Variants in EIF2S1 observed in about 807,000 individuals in gnomAD.
EIF2S1 encodes eukaryotic translation initiation factor 2 subunit 1.
EIF2S1 carries 5 observed loss-of-function variants against 33.5 expected under a neutral mutation model. The observed-to-expected ratio is 0.15, with a 90% CI of 0.08 to 0.31. The LOEUF (loss-of-function observed/expected upper bound fraction) is 0.31. Among genes scored for constraint, EIF2S1 ranks in the 10% least tolerant of loss-of-function variants. EIF2S1 has a pLI of 1.00. For missense variants in EIF2S1, 191 were observed against 384.6 expected, an observed-to-expected ratio of 0.50 and a Z score of 4.21; for synonymous variants, 99 against 127.5, an observed-to-expected ratio of 0.78 and a Z score of 1.51.
intron 3 of EIF2S1, 102 bp from the exon 4 acceptor site, chr14:67,376,337 T>G (rs1261883308): frequency 2.6e-6 from 3 of 1,156,980 alleles, no homozygotes; most frequent in Admixed American, 2.8e-5. Flanking sequence ...CTTTTATTGT[T>G]AAGGAATTAT....
intron 2 of EIF2S1, among the ~76,000 whole-genome samples, chr14:67,366,888 G>T (rs752740813): frequency 4.3e-5 from 6 of 140,484 alleles, no homozygotes; most frequent in Non-Finnish European, 9.0e-5. Flanking sequence ...AGTACATGCT[G>T]AAGACAGCTT....
At chr14:67,367,393 G>A (rs566946996) in intron 2 of EIF2S1, among the ~76,000 whole-genome samples, 4 of 152,074 alleles carry the variant, frequency 2.6e-5, no homozygotes, top group Non-Finnish European at 5.9e-5. Flanking sequence ...ACCATGCCCA[G>A]CTAATTTTTG....
chr14:67,366,081 C>CT (rs552951257), intron 2 of EIF2S1, among the ~76,000 whole-genome samples: 546 of 141,006 alleles, frequency 3.9e-3, no homozygotes, highest in Middle Eastern at 0.011. Flanking sequence ...TAATCTTGTA[C>CT]TTTTTTTTTT....
At chr14:67,362,519 A>C (rs1016638063) in intron 1 of EIF2S1, among the ~76,000 whole-genome samples, 1 of 152,198 alleles carries the variant, frequency 6.6e-6, no homozygotes, top group Non-Finnish European at 1.5e-5. Context: ...TGTACATGGC[A>C]CAGATGAGAA....
intron 1 of EIF2S1, among the ~76,000 whole-genome samples, chr14:67,360,965 G>C (rs1486756012): frequency 6.6e-6 from 1 of 152,120 alleles, no homozygotes; most frequent in Admixed American, 6.5e-5. Context: ...AGCGGGGTCC[G>C]AGTAGTTTTT....
chr14:67,377,145 C>T (rs1175020708), intron 4 of EIF2S1, among the ~76,000 whole-genome samples: 3 of 152,168 alleles, frequency 2.0e-5, no homozygotes, highest in Non-Finnish European at 4.4e-5. Flanking sequence ...TGCCTTTTCT[C>T]TCTTATCCAA....
rs1452482004 is a variant in EIF2S1 at position 67,382,484 on chromosome 14, C to T, written c.716C>T (p.Thr239Met). The T allele has an allele frequency of 9.9e-6, 16 of 1,613,590 alleles. No individual in the cohort carries two copies. The highest frequency in any genetic ancestry group is 5.0e-5 in the Admixed American group (3 of 59,998). ...GCTCCTCCTCGGTATGTAATGACTA[C>T]GACAACCCTGGAGAGAACAGAAGGC... Reference protein sequence around the residue: ...LIAPPRYVMTTTTLERTEGLS... With the variant: ...LIAPPRYVMTMTTLERTEGLS... Residue 239 changes from threonine (T) to methionine (M), a missense_variant, in exon 7 of 8, where the codon ACG becomes ATG. By Grantham distance (81) the Thr-to-Met change is moderately conservative. Coordinates refer to ENST00000256383, the MANE Select transcript of EIF2S1 (RefSeq NM_004094.5).
At chr14:67,381,538 A>G in intron 5 of EIF2S1, 55 bp from the exon 6 acceptor site, 2 of 1,410,040 alleles carry the variant, frequency 1.4e-6, no homozygotes, top group Non-Finnish European at 2.0e-6. Context: ...ATTTCCTTTA[A>G]ACTTTTAAAT....
intron 7 of EIF2S1, 31 bp from the exon 8 acceptor site, chr14:67,383,284 T>A: frequency 6.2e-7 from 1 of 1,608,612 alleles, no homozygotes; most frequent in Non-Finnish European, 8.5e-7. Flanking sequence ...ATTTACTACT[T>A]CAGTTTGAAA....
chr14:67,382,911 G>GCA (rs1307969417), intron 7 of EIF2S1, among the ~76,000 whole-genome samples: 4 of 140,506 alleles, frequency 2.8e-5, no homozygotes, highest in Non-Finnish European at 4.9e-5. Context: ...GTGCGTGCGT[G>GCA]TGTGTGTGTG....
intron 2 of EIF2S1, among the ~76,000 whole-genome samples, chr14:67,370,253 C>T (rs1014453151): frequency 1.3e-5 from 2 of 152,144 alleles, no homozygotes; most frequent in African/African-American, 4.8e-5. Flanking sequence ...ATGGACATGT[C>T]GCAGTGCTGC....
intron 2 of EIF2S1, 55 bp downstream of exon 2, chr14:67,365,063 A>G (rs764643381): frequency 2.1e-4 from 317 of 1,503,050 alleles, no homozygotes; most frequent in Non-Finnish European, 2.6e-4. Context: ...GGTTTATTTA[A>G]AAATACATTT....
intron 2 of EIF2S1, among the ~76,000 whole-genome samples, chr14:67,374,076 A>G: frequency 6.6e-6 from 1 of 152,168 alleles, no homozygotes; most frequent in Non-Finnish European, 1.5e-5. Flanking sequence ...TTCTGAAAAC[A>G]ATTCAGAATC....
Position 67,376,433 on chromosome 14 carries a change from T to A in EIF2S1, c.322-6T>A, listed in dbSNP as rs746031002. The A allele has an allele frequency of 4.4e-6, 7 of 1,581,236 alleles. No individual in the cohort carries two copies. The Admixed American group carries it at 1.1e-4, about 25-fold the overall frequency. The stretch of plus-strand genomic sequence containing the variant: ...TGAATTGTTGAGCTTTTCATTTTAT[T>A]TCTAGGTTTATAGCATTCTTCGTCA... On this transcript the variant is annotated splice_polypyrimidine_tract_variant and splice_region_variant and intron_variant, in intron 3 of 7. Transcript: ENST00000256383.
At chr14:67,361,410 A>AT (rs1395305161) in intron 1 of EIF2S1, among the ~76,000 whole-genome samples, 5 of 152,198 alleles carry the variant, frequency 3.3e-5, no homozygotes, top group Non-Finnish European at 7.4e-5. Context: ...GTTTGTAGAG[A>AT]TTCGGTGATA....
At chr14:67,365,540 C>T (rs1366911866) in intron 2 of EIF2S1, among the ~76,000 whole-genome samples, 11 of 152,204 alleles carry the variant, frequency 7.2e-5, no homozygotes, top group African/African-American at 2.4e-4. Context: ...TACCAGATCT[C>T]GTGGTATCTT....
intron 1 of EIF2S1, among the ~76,000 whole-genome samples, chr14:67,361,395 G>A (rs1246211496): frequency 2.0e-5 from 3 of 152,218 alleles, no homozygotes; most frequent in South Asian, 4.1e-4. Flanking sequence ...CTCATGCACA[G>A]TAATGTTTGT....
At position 67,370,652 on chromosome 14, in the gene EIF2S1, C is replaced by A. The variant is rs549514021; in HGVS notation, c.242-3816C>A. On this transcript the variant is annotated intron_variant, in intron 2 of 7. Transcript: ENST00000256383. ...CCTTGCAAAATTTTACTTACTGAAACTGACCAATATAAAATAGAAATTTTG... is the reference window on the plus strand; with the variant it reads ...CCTTGCAAAATTTTACTTACTGAAAATGACCAATATAAAATAGAAATTTTG... Among the ~76,000 whole-genome samples the A allele has an allele frequency of 1.3e-4, 20 of 152,238 alleles. No homozygotes were observed. The East Asian group carries it at 3.9e-3, about 29-fold the overall frequency.
intron 4 of EIF2S1, 80 bp downstream of exon 4, chr14:67,376,670 A>G: frequency 1.1e-5 from 16 of 1,465,622 alleles, no homozygotes; most frequent in Non-Finnish European, 1.4e-5. Context: ...GCATCCATGT[A>G]TAAAATACTT....
Sources: gnomAD v4.1 joint callset for allele counts (sites outside exome capture counted in the v4.1 genomes callset) on GRCh38, gnomAD v4.1.1 for gene constraint, MANE v1.5 for transcripts, NCBI Gene and HGNC (gene_info 2026-07-23, HGNC 2026-07-21) for gene names.